Variants in BCAS3 observed in about 807,000 individuals in gnomAD.
BCAS3 encodes the protein BCAS3 microtubule associated cell migration factor.
A neutral mutation model predicts 116.1 loss-of-function variants in BCAS3; 53 were observed. The ratio of observed to expected loss-of-function variants is 0.46; its 90% CI spans 0.37 to 0.57. The LOEUF (loss-of-function observed/expected upper bound fraction) is 0.57, where lower values mean the gene tolerates loss of function less well. Ranked by LOEUF, BCAS3 falls within the 20% of genes least tolerant of loss-of-function variation. The pLI, the probability that BCAS3 is intolerant of heterozygous loss-of-function variation, is 0.00. For missense variants in BCAS3, 917 were observed against 1,165.4 expected (o/e 0.79, Z 3.10); for synonymous variants, 391 against 408.2 (o/e 0.96, Z 0.51).
chr17:60,879,552 C>T (rs772132908), intron 9 of BCAS3, among the ~76,000 whole-genome samples: 1 of 152,038 alleles, frequency 6.6e-6, no homozygotes, highest in African/African-American at 2.4e-5. Context: ...ATCCAAAACC[C>T]GTGTATGATT....
chr17:61,092,117 G>A (rs531349679), intron 22 of BCAS3, among the ~76,000 whole-genome samples: 29 of 152,218 alleles, frequency 1.9e-4, no homozygotes, highest in African/African-American at 5.3e-4. Flanking sequence ...TCTTGTGTCT[G>A]TGCTTTTGTA....
At chr17:60,828,913 G>T (rs1598994983) in intron 7 of BCAS3, among the ~76,000 whole-genome samples, 1 of 152,104 alleles carries the variant, frequency 6.6e-6, no homozygotes, top group Admixed American at 6.5e-5. Flanking sequence ...ACATTTTTTG[G>T]TTGCCACATC....
In BCAS3 at chr17:61,032,131, G is replaced by A. The variant is rs2066691354; in HGVS notation, c.1638-2535G>A. ...TGTTAGAAAGTTTGCCATCTGGCCT[G>A]GAAGCAACTATTTTTAAGTCTGTTT... On this transcript the variant is annotated intron_variant, in intron 16 of 23. Coordinates refer to ENST00000407086, the MANE Select transcript of BCAS3 (RefSeq NM_017679.5). The surrounding 1 kb of genome is among the most constrained non-coding windows in gnomAD (Gnocchi z 4.6). 6.6e-6 allele frequency among the ~76,000 whole-genome samples: 1 copy of A among 152,080 alleles called. No homozygotes were observed. The highest frequency in any genetic ancestry group is 1.5e-5 in the Non-Finnish European group (1 of 67,984).
intron 5 of BCAS3, among the ~76,000 whole-genome samples, chr17:60,712,823 G>C (rs2038098559): frequency 6.6e-6 from 1 of 152,194 alleles, no homozygotes; most frequent in African/African-American, 2.4e-5. Context: ...CTTCATAGGG[G>C]AGAAGGAGAT....
At position 61,056,261 on chromosome 17, in the gene BCAS3, GGT is replaced by G. The variant is rs762215673; in HGVS notation, c.2029+15372_2029+15373del. Among the ~76,000 whole-genome samples, 1 of 152,210 alleles carries G rather than the reference GGT, an allele frequency of 6.6e-6. No individual in the cohort carries two copies. Among genetic ancestry groups the G allele is most frequent in the African/African-American group, 2.4e-5 (1 of 41,458 alleles). On this transcript the variant is annotated intron_variant, in intron 19 of 23. Transcript: ENST00000407086. The surrounding 1 kb of genome is among the most constrained non-coding windows in gnomAD (Gnocchi z 4.9). ...AACTGTCATGTCCAGAGCTTTACATGGTGTCAACTGAAGGACAGCCTTCCGCG... is the reference window on the plus strand; with the variant it reads ...AACTGTCATGTCCAGAGCTTTACATGGTCAACTGAAGGACAGCCTTCCGCG...
chr17:60,897,705 C>CTTAT (rs935917588), intron 10 of BCAS3, among the ~76,000 whole-genome samples: 7 of 151,508 alleles, frequency 4.6e-5, no homozygotes, highest in Non-Finnish European at 8.8e-5. Context: ...TTTTATTTTA[C>CTTAT]TTATTTATTT....
Position 60,882,136 on chromosome 17 carries a change from A to C in BCAS3, c.661+7398A>C, listed in dbSNP as rs1482698954. Among the ~76,000 whole-genome samples, 8 of 151,828 alleles carry C rather than the reference A, an allele frequency of 5.3e-5. No individual in the cohort carries two copies. The East Asian group carries it at 5.8e-4, about 11-fold the overall frequency. On this transcript the variant is annotated intron_variant, in intron 9 of 23. Transcript: ENST00000407086. Reference sequence around the variant, plus strand: ...TGACTTTTTAATGATTGCCATTCTAACTGGTGTGAGATGGTATCTCATTGT... The same window carrying C: ...TGACTTTTTAATGATTGCCATTCTACCTGGTGTGAGATGGTATCTCATTGT...
intron 22 of BCAS3, chr17:61,245,111 A>G (rs1438169936): frequency 6.6e-6 from 1 of 152,284 alleles, no homozygotes; most frequent in Non-Finnish European, 1.5e-5. Context: ...GCCTCAGGAA[A>G]CTTAAAATCG....
intron 11 of BCAS3, 139 bp downstream of exon 11, chr17:60,902,842 G>A (rs1567830795): frequency 1.5e-6 from 1 of 659,638 alleles, no homozygotes. Context: ...CTGTTAACTA[G>A]CTTCAAGACT....
intron 5 of BCAS3, among the ~76,000 whole-genome samples, chr17:60,744,133 AAGTTACCAC>A (rs1359178204): frequency 2.6e-5 from 4 of 152,102 alleles, no homozygotes; most frequent in Admixed American, 2.6e-4. Flanking sequence ...TCTTCTCCCC[AAGTTACCAC>A]AGTTGCCAGG....
Position 61,233,946 on chromosome 17 carries a change from A to C in BCAS3, c.2426-134381A>C, listed in dbSNP as rs914819410. 6.6e-6 allele frequency among the ~76,000 whole-genome samples: 1 copy of C among 151,416 alleles called. No homozygotes were observed. Among genetic ancestry groups the C allele is most frequent in the Admixed American group, 6.6e-5 (1 of 15,210 alleles). ...TGGCATTCCATCCATTATTCTAATT[A>C]ATGTGAATTGAGTATTACTAATATC... On this transcript the variant is annotated intron_variant, in intron 22 of 23. Coordinates refer to ENST00000407086, the MANE Select transcript of BCAS3 (RefSeq NM_017679.5). The surrounding 1 kb of genome is among the most constrained non-coding windows in gnomAD (Gnocchi z 4.3).
intron 4 of BCAS3, among the ~76,000 whole-genome samples, chr17:60,705,255 A>T (rs921075307): frequency 6.6e-6 from 1 of 152,190 alleles, no homozygotes; most frequent in Non-Finnish European, 1.5e-5. Context: ...ATGGTGGCTC[A>T]TCCCTGTAAT....
At chr17:61,201,138 CCAAA>C (rs2080792811) in intron 22 of BCAS3, among the ~76,000 whole-genome samples, 1 of 152,206 alleles carries the variant, frequency 6.6e-6, no homozygotes, top group African/African-American at 2.4e-5. Flanking sequence ...GAACCTAAAA[CCAAA>C]CAATGACAGG....
rs760173031 is a variant in BCAS3 at position 61,015,900 on chromosome 17, G to A, written c.1636G>A (p.Gly546Ser). The change falls in exon 16 of 24, where the codon GGC (glycine) becomes AGC (serine). Residue 546 changes from glycine (G) to serine (S), a missense_variant and splice_region_variant. By Grantham distance (56) the Gly-to-Ser change is moderately conservative. Around this residue, in one of 3 missense-constraint regions of BCAS3, gnomAD observed 807 missense variants for 1,026.0 expected, o/e 0.79. Coordinates refer to ENST00000407086, the MANE Select transcript of BCAS3 (RefSeq NM_017679.5). ...ATTGGGGACCATCACCAAACGAACC[G>A]GGTAAGGCCTTAGACTTGATGCTTT... is the stretch of plus-strand genomic sequence containing the variant. Reference protein sequence around the residue: ...MTLGTITKRTGKVKPPPQISP... With the variant: ...MTLGTITKRTSKVKPPPQISP... The A allele has an allele frequency of 1.9e-5, 31 of 1,613,780 alleles. No individual in the cohort carries two copies. Among genetic ancestry groups the A allele is most frequent in the Non-Finnish European group, 2.4e-5 (28 of 1,179,756 alleles).
At chr17:60,954,127 C>T (rs1308506200) in intron 14 of BCAS3, among the ~76,000 whole-genome samples, 1 of 152,020 alleles carries the variant, frequency 6.6e-6, no homozygotes, top group Non-Finnish European at 1.5e-5. Flanking sequence ...GAGTCCTTTC[C>T]CCATTGCTTG....
At chr17:60,708,242 C>T (rs375444366) in intron 4 of BCAS3, among the ~76,000 whole-genome samples, 1 of 150,680 alleles carries the variant, frequency 6.6e-6, no homozygotes, top group African/African-American at 2.4e-5. Context: ...GGAGGATCAC[C>T]TGAGCATAGA....
intron 6 of BCAS3, among the ~76,000 whole-genome samples, chr17:60,756,422 T>C (rs973564004): frequency 3.3e-5 from 5 of 152,034 alleles, no homozygotes; most frequent in African/African-American, 9.7e-5. Context: ...TCCACCCCCC[T>C]TCCATCCACA....
chr17:61,230,356 T>C (rs1568620732), intron 22 of BCAS3, among the ~76,000 whole-genome samples: 1 of 152,156 alleles, frequency 6.6e-6, no homozygotes, highest in Non-Finnish European at 1.5e-5. Flanking sequence ...TCTCAACTTT[T>C]AGATACGGGG....
At chr17:60,770,834 GTTTTTTTT>G (rs60854011) in intron 6 of BCAS3, among the ~76,000 whole-genome samples, 5 of 76,784 alleles carry the variant, frequency 6.5e-5, no homozygotes, top group East Asian at 7.3e-4. Context: ...ACTGAAATTT[GTTTTTTTT>G]TTTTTTTTTT....
Sources: gnomAD v4.1 joint callset for allele counts (sites outside exome capture counted in the v4.1 genomes callset) on GRCh38, gnomAD v4.1.1 for gene constraint, gnomAD v4.1.1 regional missense constraint, Gnocchi (gnomAD v3.1) non-coding constraint, MANE v1.5 for transcripts, NCBI Gene and HGNC (gene_info 2026-07-23, HGNC 2026-07-21) for gene names.